The following UNC13C variants were observed in gnomAD, a reference collection of about 807,000 sequenced individuals.
UNC13C encodes unc-13 homolog C.
In UNC13C, 174 loss-of-function variants were observed where a neutral mutation model predicts 245.4. The ratio of observed to expected loss-of-function variants is 0.71; its 90% CI spans 0.63 to 0.80. The LOEUF is 0.80. Among genes scored for constraint, UNC13C ranks in the 30% least tolerant of loss-of-function variants. The pLI, the probability that UNC13C is intolerant of heterozygous loss-of-function variation, is 0.00. For synonymous variants in UNC13C, 992 were observed against 895.1 expected (o/e 1.11, Z -1.93); for missense variants, 2,829 against 2,602.9 (o/e 1.09, Z -1.89).
At chr15:54,212,988 T>A (rs746761950) in intron 4 of UNC13C, among the ~76,000 whole-genome samples, 2 of 152,044 alleles carry the variant, frequency 1.3e-5, no homozygotes, top group Non-Finnish European at 2.9e-5. Context: ...ATTAGAGACA[T>A]AATGAATCTA....
intron 2 of UNC13C, among the ~76,000 whole-genome samples, chr15:54,131,561 G>T (rs954753325): frequency 6.6e-6 from 1 of 152,176 alleles, no homozygotes; most frequent in East Asian, 1.9e-4. Flanking sequence ...TTCCCAGGAC[G>T]TGAGTCATCC....
At chr15:54,045,137 C>A (rs1394914913) in intron 2 of UNC13C, among the ~76,000 whole-genome samples, 1 of 152,006 alleles carries the variant, frequency 6.6e-6, no homozygotes. Flanking sequence ...TCATAGCTAA[C>A]CATTGCCAAA....
intron 11 of UNC13C, among the ~76,000 whole-genome samples, chr15:54,296,454 G>A (rs939204600): frequency 6.8e-6 from 1 of 147,884 alleles, no homozygotes; most frequent in Non-Finnish European, 1.5e-5. Context: ...TCCTGACCTC[G>A]TGATCCTCCC....
intron 19 of UNC13C, among the ~76,000 whole-genome samples, chr15:54,443,780 T>C (rs1166300880): frequency 1.3e-5 from 2 of 151,176 alleles, no homozygotes; most frequent in Non-Finnish European, 3.0e-5. Flanking sequence ...CACGATGTCA[T>C]TTTGATTTTT....
chr15:54,276,117 T>C (rs1318926489), intron 10 of UNC13C, among the ~76,000 whole-genome samples: 1 of 152,022 alleles, frequency 6.6e-6, no homozygotes, highest in African/African-American at 2.4e-5. Context: ...AGTGTTTTCC[T>C]GGGGAGTAAG....
intron 19 of UNC13C, among the ~76,000 whole-genome samples, chr15:54,433,375 C>T (rs75540688): frequency 6.6e-6 from 1 of 152,044 alleles, no homozygotes; most frequent in African/African-American, 2.4e-5. Context: ...CATCAACAAG[C>T]TTATCCACCA....
chr15:54,288,900 C>T (rs563284463), intron 10 of UNC13C, among the ~76,000 whole-genome samples: 18 of 152,226 alleles, frequency 1.2e-4, no homozygotes, highest in African/African-American at 4.3e-4. Flanking sequence ...GCTGCAGCCT[C>T]AGTTCCTGAA....
chr15:54,447,130 A>G (rs544302736), intron 19 of UNC13C, among the ~76,000 whole-genome samples: 1 of 152,274 alleles, frequency 6.6e-6, no homozygotes, highest in East Asian at 1.9e-4. Flanking sequence ...CTTGCATCCC[A>G]GGTATGAAGC....
At chr15:54,269,034 CT>C (rs201716854) in intron 10 of UNC13C, among the ~76,000 whole-genome samples, 3,842 of 145,148 alleles carry the variant, frequency 0.026, 159 homozygotes, top group African/African-American at 0.091. Flanking sequence ...ACCTTGGTTT[CT>C]TTTTTTTTTT....
chr15:54,342,471 G>GGTTAGAGTGAGTCCAGGAATTGGAA (rs1462919051), intron 17 of UNC13C, among the ~76,000 whole-genome samples: 7 of 151,708 alleles, frequency 4.6e-5, no homozygotes, highest in Admixed American at 1.3e-4. Flanking sequence ...AGGTTAAGGT[G>GGTTAGAGTGAGTCCAGGAATTGGAA]GTTAGAGTGA....
intron 14 of UNC13C, among the ~76,000 whole-genome samples, chr15:54,328,675 A>C (rs1239352535): frequency 2.6e-5 from 4 of 152,054 alleles, no homozygotes; most frequent in South Asian, 2.1e-4. Context: ...GGGTTCCCCA[A>C]ATCCTGGGGG....
At chr15:54,145,443 T>C (rs1384575131) in intron 4 of UNC13C, among the ~76,000 whole-genome samples, 2 of 152,180 alleles carry the variant, frequency 1.3e-5, no homozygotes, top group African/African-American at 2.4e-5. Flanking sequence ...CTAACTTTAA[T>C]GTCCTTGAAA....
chr15:54,452,268 C>G (rs2899541), intron 19 of UNC13C, among the ~76,000 whole-genome samples: 58,739 of 152,004 alleles, frequency 0.39, 11,649 homozygotes, highest in East Asian at 0.62. Flanking sequence ...TGCTCAGATG[C>G]CAGCAGTGGC....
At chr15:54,232,709 A>G (rs1201028569) in intron 4 of UNC13C, among the ~76,000 whole-genome samples, 1 of 152,184 alleles carries the variant, frequency 6.6e-6, no homozygotes, top group Non-Finnish European at 1.5e-5. Flanking sequence ...ACATTTCAAA[A>G]TACTTGAAGG....
At chr15:54,275,607 A>G (rs926217125) in intron 10 of UNC13C, among the ~76,000 whole-genome samples, 3 of 152,138 alleles carry the variant, frequency 2.0e-5, no homozygotes, top group Non-Finnish European at 2.9e-5. Context: ...ACTACTTCAC[A>G]TACAATATGA....
At chr15:54,473,546 C>A (rs140807311) in intron 19 of UNC13C, among the ~76,000 whole-genome samples, 7 of 151,838 alleles carry the variant, frequency 4.6e-5, no homozygotes, top group Admixed American at 2.0e-4. Flanking sequence ...TATCATTCTA[C>A]CCTCTAACTC....
intron 26 of UNC13C, among the ~76,000 whole-genome samples, chr15:54,538,151 A>AAAAAAAAAAAAAAAAAAAC (rs1896074163): frequency 6.8e-6 from 1 of 146,282 alleles, no homozygotes; most frequent in Non-Finnish European, 1.5e-5. Flanking sequence ...AAAAAAAAAA[A>AAAAAAAAAAAAAAAAAAAC]AAAAAAAAAA....
intron 29 of UNC13C, among the ~76,000 whole-genome samples, chr15:54,563,992 T>A (rs1263229508): frequency 6.6e-6 from 1 of 152,052 alleles, no homozygotes; most frequent in Non-Finnish European, 1.5e-5. Flanking sequence ...TTTTGAACAC[T>A]GTGTGAAAGG....
chr15:54,407,678 T>C (rs546017713), intron 18 of UNC13C, among the ~76,000 whole-genome samples: 2 of 152,078 alleles, frequency 1.3e-5, no homozygotes, highest in South Asian at 2.1e-4. Flanking sequence ...CTAAAACTGA[T>C]CAGAATGAGA....
Sources: allele counts gnomAD v4.1 joint callset (sites outside exome capture counted in the v4.1 genomes callset), GRCh38; gene constraint gnomAD v4.1.1; transcripts MANE v1.5; gene names NCBI Gene and HGNC (gene_info 2026-07-23, HGNC 2026-07-21).